AKR1C4: variants seen among roughly 807,000 people sequenced by gnomAD.
AKR1C4 encodes the protein aldo-keto reductase family 1 member C4, also known as 3-alpha-HSD1.
Under a neutral mutation model 41.0 loss-of-function variants are expected in AKR1C4, and 44 were observed. The observed-to-expected ratio is 1.07, with a 90% confidence interval of 0.84 to 1.38. The LOEUF (loss-of-function observed/expected upper bound fraction) is 1.38, where lower values mean the gene tolerates loss of function less well. Among genes scored for constraint, AKR1C4 ranks in the 40% most tolerant of loss-of-function variants. AKR1C4 has a pLI of 0.00. For synonymous variants in AKR1C4, 165 were observed against 137.7 expected, an observed-to-expected ratio of 1.20 and a Z score of -1.39; for missense variants, 438 against 387.9, an observed-to-expected ratio of 1.13 and a Z score of -1.09.
At position 5,213,047 on chromosome 10, in the gene AKR1C4, C is replaced by T; in HGVS notation, c.734C>T (p.Ala245Val). Residue 245 changes from alanine to valine, a missense_variant, in exon 7 of 9, where the codon GCA (alanine) becomes GTA (valine). Coordinates refer to ENST00000263126, the MANE Select transcript of AKR1C4 (RefSeq NM_001818.5). The stretch of plus-strand genomic sequence containing the variant: ...GAGGACCCAGTTCTTTGTGCCTTAG[C>T]AAAGAAACACAAACAAACCCCAGCC... ...LLEDPVLCAL[A>V]KKHKQTPALI... is the part of the protein sequence containing the mutation. The T allele has an allele frequency of 6.2e-7, 1 of 1,614,120 alleles. No individual in the cohort carries two copies. Among genetic ancestry groups the T allele is most frequent in the Non-Finnish European group, 8.5e-7 (1 of 1,180,016 alleles).
intron 5 of AKR1C4, chr10:5,207,726 AT>A: frequency 1.9e-6 from 1 of 513,678 alleles, no homozygotes; most frequent in East Asian, 5.9e-5. Flanking sequence ...AGAGAAAAAT[AT>A]TGCAGTAATA....
At chr10:5,202,522 C>A (rs1554797018) in intron 2 of AKR1C4, 1 of 454,430 alleles carries the variant, frequency 2.2e-6, no homozygotes, top group Non-Finnish European at 4.4e-6. Context: ...ATTACTCTGG[C>A]TAGGACTTCC....
chr10:5,216,578 G>A, intron 7 of AKR1C4, 133 bp from the exon 8 acceptor site: 1 of 614,768 alleles, frequency 1.6e-6, no homozygotes, highest in Non-Finnish European at 2.9e-6. Flanking sequence ...GTTTAGAGAT[G>A]GTCTTTCATA....
chr10:5,202,965 G>T lies in AKR1C4; in HGVS notation c.253-1412G>T, dbSNP rs1367287968. Among the ~76,000 whole-genome samples, 1,092 of 140,422 alleles carry T rather than the reference G, an allele frequency of 7.8e-3. 19 individuals are homozygous for T. The highest frequency in any genetic ancestry group is 0.029 in the African/African-American group (1,051 of 36,592). 92.1% of individuals were successfully genotyped at this position (140,422 alleles called of 152,430 possible). A position where few individuals can be genotyped will look rare whatever the true frequency, so the allele number is the denominator to read the frequency against. ...TGTGTGTGTGTGTGTGTGTGTGTGTGTGTGTGTGTGTGTGTGTTATGTCCT... is the reference window on the plus strand; with the variant it reads ...TGTGTGTGTGTGTGTGTGTGTGTGTTTGTGTGTGTGTGTGTGTTATGTCCT... On this transcript the variant is annotated intron_variant, in intron 2 of 8. Transcript: ENST00000263126.
At chr10:5,207,493 C>T in intron 5 of AKR1C4, 1 of 411,166 alleles carries the variant, frequency 2.4e-6, no homozygotes, top group Non-Finnish European at 4.8e-6. Flanking sequence ...TGGAAGAAGT[C>T]AAAACTGAAC....
At chr10:5,212,891 T>C in intron 6 of AKR1C4, 103 bp from the exon 7 acceptor site, 1 of 1,482,170 alleles carries the variant, frequency 6.7e-7, no homozygotes, top group Admixed American at 2.1e-5. Flanking sequence ...GGGACCTCAC[T>C]TGAGAGGCTC....
At chr10:5,211,438 G>A (rs957546764) in intron 5 of AKR1C4, among the ~76,000 whole-genome samples, 10 of 152,158 alleles carry the variant, frequency 6.6e-5, no homozygotes, top group African/African-American at 2.4e-4. Flanking sequence ...ATCATCTCAG[G>A]TCCAAAGTTC....
At chr10:5,200,780 T>C (rs1832389024) in intron 2 of AKR1C4, among the ~76,000 whole-genome samples, 1 of 152,126 alleles carries the variant, frequency 6.6e-6, no homozygotes, top group Non-Finnish European at 1.5e-5. Flanking sequence ...CCACACTGAG[T>C]CTTGAAAGTT....
chr10:5,215,157 T>C (rs1260722803), intron 7 of AKR1C4, among the ~76,000 whole-genome samples: 2 of 152,206 alleles, frequency 1.3e-5, no homozygotes, highest in Non-Finnish European at 2.9e-5. Context: ...CTGGTTCATG[T>C]ACTTATAAGA....
At position 5,208,928 on chromosome 10, in the gene AKR1C4, G is replaced by A. The variant is rs116916986; in HGVS notation, c.570+2531G>A. On this transcript the variant is annotated intron_variant, in intron 5 of 8. Transcript: ENST00000263126. ...AAAAACAAAAAAAAAACATCCAATT[G>A]TGACTTTCAGTTTGTTGTACTTTGG... Among the ~76,000 whole-genome samples, 1,010 of 147,444 alleles carry A rather than the reference G, an allele frequency of 6.9e-3. 8 individuals are homozygous for A. Among genetic ancestry groups the A allele is most frequent in the Non-Finnish European group, 0.011 (740 of 67,838 alleles).
chr10:5,214,236 ATTTTTCATCC>A (rs1832620829), intron 7 of AKR1C4, among the ~76,000 whole-genome samples: 2 of 152,190 alleles, frequency 1.3e-5, no homozygotes, highest in Admixed American at 6.5e-5. Context: ...ACTTATCTTG[ATTTTTCATCC>A]TAAGTGTCCA....
At chr10:5,210,606 A>AT (rs3039090) in intron 5 of AKR1C4, among the ~76,000 whole-genome samples, 6 of 144,848 alleles carry the variant, frequency 4.1e-5, no homozygotes, top group African/African-American at 1.5e-4. Flanking sequence ...CCAAACCTCA[A>AT]TTTTTTTTTT....
In AKR1C4 at chr10:5,213,964, C is replaced by T. The variant is rs182017900; in HGVS notation, c.846+805C>T. On this transcript the variant is annotated intron_variant, in intron 7 of 8. Transcript: ENST00000263126. ...AGTCAAATTCTTTATGACATTTTCTCGTGGTTGCTAATATCATGACTTTTT... is the reference window on the plus strand; with the variant it reads ...AGTCAAATTCTTTATGACATTTTCTTGTGGTTGCTAATATCATGACTTTTT... 5.3e-5 allele frequency among the ~76,000 whole-genome samples: 8 copies of T among 151,942 alleles called. No individual in the cohort carries two copies. The East Asian group carries it at 5.8e-4, about 11-fold the overall frequency.
At chr10:5,216,514 G>A (rs1237723566) in intron 7 of AKR1C4, among the ~76,000 whole-genome samples, 197 bp from the exon 8 acceptor site, 3 of 152,100 alleles carry the variant, frequency 2.0e-5, no homozygotes, top group Non-Finnish European at 4.4e-5. Context: ...GTTTCAATAT[G>A]TAATATCTAG....
intron 2 of AKR1C4, among the ~76,000 whole-genome samples, chr10:5,203,265 A>G (rs545285602): frequency 1.3e-5 from 2 of 152,178 alleles, no homozygotes; most frequent in East Asian, 3.9e-4. Context: ...TAATATTAAT[A>G]TCATGAAATT....
chr10:5,210,810 C>T (rs1263313433), intron 5 of AKR1C4, among the ~76,000 whole-genome samples: 4 of 152,176 alleles, frequency 2.6e-5, no homozygotes, highest in African/African-American at 9.7e-5. Flanking sequence ...CAGGGTTTCA[C>T]CATGTTGGTC....
intron 4 of AKR1C4, among the ~76,000 whole-genome samples, 154 bp from the exon 5 acceptor site, chr10:5,206,121 T>A (rs973142765): frequency 6.6e-6 from 1 of 151,988 alleles, no homozygotes; most frequent in Non-Finnish European, 1.5e-5. Context: ...GCTGTCACTA[T>A]CCTTTTGTTA....
chr10:5,206,744 G>A (rs1832494298), intron 5 of AKR1C4, among the ~76,000 whole-genome samples: 2 of 123,228 alleles, frequency 1.6e-5, no homozygotes, highest in Admixed American at 1.5e-4. Context: ...ATGATTTGGA[G>A]TAGAATGTAT....
chr10:5,204,710 C>A (rs1832457846), intron 3 of AKR1C4: 1 of 671,636 alleles, frequency 1.5e-6, no homozygotes, highest in Non-Finnish European at 2.7e-6. Flanking sequence ...GCCTCTGATT[C>A]AAAAATTCAA....
Sources: allele counts gnomAD v4.1 joint callset (sites outside exome capture counted in the v4.1 genomes callset), GRCh38; gene constraint gnomAD v4.1.1; transcripts MANE v1.5; gene names NCBI Gene and HGNC (gene_info 2026-07-23, HGNC 2026-07-21).